The following PDK1 variants were observed in gnomAD, a reference collection of about 807,000 sequenced individuals.
PDK1 encodes the protein pyruvate dehydrogenase kinase 1.
In PDK1, 39 loss-of-function variants were observed where a neutral mutation model predicts 54.2. That is an observed-to-expected ratio of 0.72 (90% CI 0.56 to 0.94). The LOEUF (loss-of-function observed/expected upper bound fraction) is 0.94. PDK1 is among the 40% of genes least tolerant of loss of function. PDK1 has a pLI of 0.00. For missense variants in PDK1, 552 were observed against 566.0 expected, an observed-to-expected ratio of 0.98 and a Z score of 0.25; for synonymous variants, 221 against 207.1, an observed-to-expected ratio of 1.07 and a Z score of -0.58.
the PDK1 span, among the ~76,000 whole-genome samples, chr2:172,631,967 T>G: frequency 6.6e-6 from 1 of 152,204 alleles, no homozygotes; most frequent in Non-Finnish European, 1.5e-5. Flanking sequence ...AATAAAGTAT[T>G]CAGGTCTCTT....
the PDK1 span, among the ~76,000 whole-genome samples, chr2:172,700,270 G>A: frequency 2.6e-5 from 4 of 152,022 alleles, no homozygotes; most frequent in Admixed American, 6.5e-5. Context: ...GAGCTGTTGG[G>A]TACACCTCCC....
Position 172,596,262 on chromosome 2 carries a change from T to C in PDK1, c.*293T>C, listed in dbSNP as rs1690887124. The C allele has an allele frequency of 4.5e-6, 1 of 221,656 alleles. No homozygotes were observed. The highest frequency in any genetic ancestry group is 2.3e-5 in the African/African-American group (1 of 42,936). The allele number at this position is 221,656 out of a possible 1,614,324, so 13.7% of individuals were successfully genotyped here. On this transcript the variant is annotated 3_prime_UTR_variant, in exon 11 of 11. Coordinates refer to ENST00000282077, the MANE Select transcript of PDK1 (RefSeq NM_002610.5). ...TCAGAAGTGTGGAAATCTTCGGGTTTCTATAGGAAACTAGTTTTTTTTTTT... is the reference window on the plus strand; with the variant it reads ...TCAGAAGTGTGGAAATCTTCGGGTTCCTATAGGAAACTAGTTTTTTTTTTT...
the PDK1 span, among the ~76,000 whole-genome samples, chr2:172,667,968 T>A: frequency 6.6e-6 from 1 of 152,230 alleles, no homozygotes; most frequent in Non-Finnish European, 1.5e-5. Flanking sequence ...AGAGCAAAAG[T>A]CTATGCAGCT....
At chr2:172,561,695 T>G (rs148747563) in intron 2 of PDK1, among the ~76,000 whole-genome samples, 173 of 152,386 alleles carry the variant, frequency 1.1e-3, no homozygotes, top group African/African-American at 3.9e-3. Flanking sequence ...CTTTTGTGTT[T>G]TTTGTTCAGT....
At chr2:172,567,264 G>A (rs1410934762) in intron 6 of PDK1, among the ~76,000 whole-genome samples, 1 of 152,166 alleles carries the variant, frequency 6.6e-6, no homozygotes, top group Non-Finnish European at 1.5e-5. Context: ...ACTAATGTAA[G>A]ACTTACCCTT....
At chr2:172,555,857 T>C (rs769658771), upstream of PDK1, 37 of 288,724 alleles carry the variant, frequency 1.3e-4, no homozygotes, top group Non-Finnish European at 1.8e-4. Context: ...GGGCGGGATC[T>C]GGGCGGCGGC....
At chr2:172,581,680 C>G (rs74585025) in intron 8 of PDK1, among the ~76,000 whole-genome samples, 1,879 of 152,258 alleles carry the variant, frequency 0.012, 20 homozygotes, top group Non-Finnish European at 0.017. Context: ...TTCAGTCGAG[C>G]TTTGATCCCC....
At chr2:172,678,483 G>C in the PDK1 span, among the ~76,000 whole-genome samples, 42 of 152,270 alleles carry the variant, frequency 2.8e-4, no homozygotes, top group East Asian at 1.7e-3. Flanking sequence ...CAGTCTATTA[G>C]TACTATTTGA....
the PDK1 span, among the ~76,000 whole-genome samples, chr2:172,704,334 A>C: frequency 6.6e-6 from 1 of 152,118 alleles, no homozygotes; most frequent in Non-Finnish European, 1.5e-5. Flanking sequence ...CAGTATGAAA[A>C]GGGGCTGTTT....
chr2:172,622,761 TTA>T, the PDK1 span, among the ~76,000 whole-genome samples: 2 of 147,982 alleles, frequency 1.4e-5, no homozygotes, highest in African/African-American at 2.5e-5. Flanking sequence ...TTATATCTCA[TTA>T]TGTGAGATGT....
At chr2:172,685,051 A>G in the PDK1 span, among the ~76,000 whole-genome samples, 1 of 152,132 alleles carries the variant, frequency 6.6e-6, no homozygotes, top group African/African-American at 2.4e-5. Flanking sequence ...CTCCTGCCAC[A>G]TTGTAAAGAA....
the PDK1 span, among the ~76,000 whole-genome samples, chr2:172,621,922 GAT>G: frequency 1.4e-5 from 2 of 145,054 alleles, no homozygotes; most frequent in East Asian, 2.0e-4. Context: ...TCTCCTATAT[GAT>G]ATATGTTTAT....
the PDK1 span, among the ~76,000 whole-genome samples, chr2:172,658,146 C>T: frequency 6.6e-6 from 1 of 152,282 alleles, no homozygotes; most frequent in Admixed American, 6.5e-5. Context: ...GATGAAAACA[C>T]CTCCCATTAG....
chr2:172,627,467 T>A, the PDK1 span, among the ~76,000 whole-genome samples: 1 of 152,168 alleles, frequency 6.6e-6, no homozygotes, highest in African/African-American at 2.4e-5. Flanking sequence ...ACACAGAACA[T>A]GCTTCTATTT....
the PDK1 span, among the ~76,000 whole-genome samples, chr2:172,692,208 T>C: frequency 6.6e-6 from 1 of 152,206 alleles, no homozygotes; most frequent in Non-Finnish European, 1.5e-5. Flanking sequence ...TTAACCTGTA[T>C]GAAGAGAGCA....
At chr2:172,563,710 A>G (rs1229615157) in intron 3 of PDK1, among the ~76,000 whole-genome samples, 1 of 152,126 alleles carries the variant, frequency 6.6e-6, no homozygotes, top group Non-Finnish European at 1.5e-5. Flanking sequence ...GTACATGCCT[A>G]TAATCCCGGC....
the PDK1 span, among the ~76,000 whole-genome samples, chr2:172,659,804 T>C: frequency 6.6e-6 from 1 of 152,242 alleles, no homozygotes; most frequent in Non-Finnish European, 1.5e-5. Flanking sequence ...CCTGCATGAC[T>C]GTCTAAAATA....
the PDK1 span, among the ~76,000 whole-genome samples, chr2:172,671,063 A>T: frequency 6.6e-6 from 1 of 151,522 alleles, no homozygotes; most frequent in East Asian, 1.9e-4. Context: ...GATGATAAAA[A>T]ATCTAATTCC....
chr2:172,616,641 A>G, the PDK1 span, among the ~76,000 whole-genome samples: 3 of 152,216 alleles, frequency 2.0e-5, no homozygotes, highest in African/African-American at 4.8e-5. Context: ...TTTGTGAGAA[A>G]TAGGTTCATA....
Sources: gnomAD v4.1 joint callset for allele counts (sites outside exome capture counted in the v4.1 genomes callset) on GRCh38, gnomAD v4.1.1 for gene constraint, MANE v1.5 for transcripts, NCBI Gene and HGNC (gene_info 2026-07-23, HGNC 2026-07-21) for gene names.